ME2: variants seen among roughly 807,000 people sequenced by gnomAD.
ME2 encodes malic enzyme 2.
A neutral mutation model predicts 73.7 loss-of-function variants in ME2; 60 were observed. The observed-to-expected ratio is 0.81, with a 90% CI of 0.66 to 1.01. The LOEUF is 1.01. ME2 is among the 50% of genes least tolerant of loss of function. The probability of loss-of-function intolerance (pLI) is 0.00; values close to 1 mark genes in which losing one functional copy is unlikely to be tolerated. For synonymous variants in ME2, 199 were observed against 236.9 expected (o/e 0.84, Z 1.47); for missense variants, 594 against 705.5 (o/e 0.84, Z 1.79).
intron 2 of ME2, among the ~76,000 whole-genome samples, chr18:50,907,541 A>G (rs900630043): frequency 6.6e-6 from 1 of 152,224 alleles, no homozygotes; most frequent in Non-Finnish European, 1.5e-5. Flanking sequence ...AATGCCAGAA[A>G]TTGAAAAAGA....
chr18:50,950,110 T>C lies in ME2; in HGVS notation c.*2926T>C, dbSNP rs901134069. The C allele has an allele frequency of 6.6e-6, 1 of 152,268 alleles. No homozygotes were observed. The highest frequency in any genetic ancestry group is 1.5e-5 in the Non-Finnish European group (1 of 68,052). 9.4% of individuals were successfully genotyped at this position (152,268 alleles called of 1,614,324 possible). ...AGGAAAAGGTAAGAATACATGTGTT[T>C]CTAATCTCCCACCACCACCTGTTGT... is the stretch of plus-strand genomic sequence containing the variant. On this transcript the variant is annotated 3_prime_UTR_variant, in exon 16 of 16. Coordinates refer to ENST00000321341, the MANE Select transcript of ME2 (RefSeq NM_002396.5).
At chr18:50,911,601 C>G (rs1917157637) in intron 3 of ME2, among the ~76,000 whole-genome samples, 1 of 151,932 alleles carries the variant, frequency 6.6e-6, no homozygotes, top group Admixed American at 6.6e-5. Flanking sequence ...CAGAAAAGGG[C>G]CCCCAGAGAG....
At chr18:50,892,172 C>A (rs992530756) in intron 1 of ME2, among the ~76,000 whole-genome samples, 2 of 152,084 alleles carry the variant, frequency 1.3e-5, no homozygotes, top group African/African-American at 4.8e-5. Context: ...ATGTTAATAT[C>A]TTTAATCTGT....
At position 50,943,041 on chromosome 18, in the gene ME2, T is replaced by C. The variant is rs1918000342; in HGVS notation, c.1587+2655T>C. Among the ~76,000 whole-genome samples the C allele has an allele frequency of 3.3e-5, 5 of 152,120 alleles. No individual in the cohort carries two copies. In the South Asian group the frequency reaches 8.3e-4, roughly 25 times the overall value. ...CAAACTCCTAGGCTCAAGTGATCCT[T>C]CTACCACAGCCTCCCGAGTAGCTAG... On this transcript the variant is annotated intron_variant, in intron 15 of 15. Coordinates refer to ENST00000321341, the MANE Select transcript of ME2 (RefSeq NM_002396.5).
intron 1 of ME2, among the ~76,000 whole-genome samples, chr18:50,893,151 A>AAAAAAAAAAAAAAAAAAAAAC (rs1916649164): frequency 7.0e-6 from 1 of 143,284 alleles, no homozygotes; most frequent in Non-Finnish European, 1.5e-5. Context: ...AAAAAAAAAA[A>AAAAAAAAAAAAAAAAAAAAAC]ACACCTTTAA....
In ME2 at chr18:50,920,865, G is replaced by T. The variant is rs551357823; in HGVS notation, c.942+107G>T. On this transcript the variant is annotated intron_variant, in intron 9 of 15. Transcript: ENST00000321341. Reference sequence around the variant, plus strand: ...AAGAGCATAGTGAGCCTGTAATTTTGTTGAGGTAGAGGATATGAAATCAAG... The same window carrying T: ...AAGAGCATAGTGAGCCTGTAATTTTTTTGAGGTAGAGGATATGAAATCAAG... The T allele has an allele frequency of 1.1e-3, 936 of 874,496 alleles. 17 individuals carry two copies. In the South Asian group the frequency reaches 0.017, roughly 16 times the overall value. 54.2% of individuals were successfully genotyped at this position (874,496 alleles called of 1,614,324 possible). A position where few individuals can be genotyped will look rare whatever the true frequency, so the allele number is the denominator to read the frequency against.
Position 50,917,347 on chromosome 18 carries a change from G to T in ME2, c.469G>T (p.Ala157Ser), listed in dbSNP as rs1435094611. The change falls in exon 6 of 16, where the codon GCT (alanine) becomes TCT (serine). Residue 157 changes from alanine (A) to serine (S), a missense_variant and splice_region_variant. Transcript: ENST00000321341. ...TAATTTGCATTTTTTTGTGATTAAGGCTGTTGTAGTGACTGATGGAGAGAG... is the reference window on the plus strand; with the variant it reads ...TAATTTGCATTTTTTTGTGATTAAGTCTGTTGTAGTGACTGATGGAGAGAG... ...VDNWPENHVKAVVVTDGERIL... is the reference protein window; with the variant it reads ...VDNWPENHVKSVVVTDGERIL... 31 of 1,608,860 alleles carry T rather than the reference G, an allele frequency of 1.9e-5. No individual in the cohort carries two copies. Among genetic ancestry groups the T allele is most frequent in the Non-Finnish European group, 2.6e-5 (31 of 1,177,294 alleles).
intron 4 of ME2, 77 bp from the exon 5 acceptor site, chr18:50,916,091 C>A: frequency 1.0e-6 from 1 of 978,224 alleles, no homozygotes; most frequent in Non-Finnish European, 1.6e-6. Flanking sequence ...ATTAAAATAT[C>A]AAAATATTTC....
At chr18:50,942,784 G>T in intron 15 of ME2, 1 of 277,916 alleles carries the variant, frequency 3.6e-6, no homozygotes, top group Admixed American at 5.5e-5. Context: ...GAATTTACTT[G>T]ATGACCAGTT....
rs1352115207 is a variant in ME2, at chr18:50,935,893, A to T, written c.1417+3533A>T. Among the ~76,000 whole-genome samples the T allele has an allele frequency of 2.0e-5, 3 of 152,006 alleles. No homozygotes were observed. The South Asian group carries it at 6.2e-4, about 32-fold the overall frequency. On this transcript the variant is annotated intron_variant, in intron 13 of 15. Transcript: ENST00000321341. ...AAAAAGAAAAAAAAATAGGTAAGGG[A>T]CATACATTTCATTGATAGATCTTTA...
chr18:50,888,767 A>C (rs977850247), intron 1 of ME2, among the ~76,000 whole-genome samples: 1 of 152,186 alleles, frequency 6.6e-6, no homozygotes, highest in African/African-American at 2.4e-5. Flanking sequence ...GGTCATAACA[A>C]TGTATTAAAT....
intron 15 of ME2, among the ~76,000 whole-genome samples, chr18:50,942,914 T>G (rs1440532433): frequency 1.3e-5 from 2 of 152,132 alleles, no homozygotes; most frequent in African/African-American, 4.8e-5. Flanking sequence ...TAACTATAAA[T>G]CAGCTGAAAC....
intron 1 of ME2, among the ~76,000 whole-genome samples, chr18:50,889,884 T>A (rs1390939515): frequency 6.6e-6 from 1 of 152,214 alleles, no homozygotes; most frequent in Non-Finnish European, 1.5e-5. Context: ...CCTTTTGGAA[T>A]GTCCAAGAGT....
chr18:50,879,726 G>A (rs1232019436), intron 1 of ME2, among the ~76,000 whole-genome samples: 1 of 152,192 alleles, frequency 6.6e-6, no homozygotes, highest in African/African-American at 2.4e-5. Flanking sequence ...TTATTCAGTC[G>A]GGCCGAGTTA....
At chr18:50,916,328 G>A in intron 5 of ME2, 85 bp downstream of exon 5, 1 of 1,074,254 alleles carries the variant, frequency 9.3e-7, no homozygotes, top group Non-Finnish European at 1.4e-6. Flanking sequence ...GTTTTTCATT[G>A]TTGCTCTCAT....
chr18:50,933,537 A>G (rs1917746988), intron 13 of ME2: 1 of 152,176 alleles, frequency 6.6e-6, no homozygotes. Context: ...GTCATCCATA[A>G]TCTCTTTCTA....
rs1291094092 is a variant in ME2 at position 50,945,085 on chromosome 18, CAT to C, written c.1588-1931_1588-1930del. 2.0e-5 allele frequency: 3 copies of C among 152,174 alleles called. 1 individual carries two copies. Among genetic ancestry groups the C allele is most frequent in the African/African-American group, 7.2e-5 (3 of 41,530 alleles). 9.4% of individuals were successfully genotyped at this position (152,174 alleles called of 1,614,324 possible). A position where few individuals can be genotyped will look rare whatever the true frequency, so the allele number is the denominator to read the frequency against. On this transcript the variant is annotated intron_variant, in intron 15 of 15. Transcript: ENST00000321341. The stretch of plus-strand genomic sequence containing the variant: ...TTTGGTCAACAAACTGTACTAATGA[CAT>C]GTTATGTTTATTTGGCCCTTAGGTT...
chr18:50,931,682 C>CT (rs202143574), intron 12 of ME2, among the ~76,000 whole-genome samples: 136 of 138,342 alleles, frequency 9.8e-4, no homozygotes, highest in Admixed American at 1.4e-3. Context: ...TTTTCTTTTT[C>CT]TTTTTTTTTT....
intron 2 of ME2, among the ~76,000 whole-genome samples, chr18:50,899,409 GACCAGCCTGGCCTGGTCTCT>G (rs1270109071): frequency 4.6e-5 from 7 of 152,122 alleles, no homozygotes; most frequent in Admixed American, 2.6e-4. Context: ...AAGAGTTTGA[GACCAGCCTGGCCTGGTCTCT>G]ACCAGCCTGA....
Sources: gnomAD v4.1 joint callset for allele counts (sites outside exome capture counted in the v4.1 genomes callset) on GRCh38, gnomAD v4.1.1 for gene constraint, MANE v1.5 for transcripts, NCBI Gene and HGNC (gene_info 2026-07-23, HGNC 2026-07-21) for gene names.